PARVA: variants seen among roughly 807,000 people sequenced by gnomAD.
PARVA encodes the protein parvin alpha.
In PARVA, 25 loss-of-function variants were observed where a neutral mutation model predicts 52.6. The observed-to-expected ratio is 0.48, with a 90% CI of 0.35 to 0.66. PARVA has a LOEUF of 0.66. Among genes scored for constraint, PARVA ranks in the 30% least tolerant of loss-of-function variants. The pLI is 0.01. For synonymous variants in PARVA, 185 were observed against 179.1 expected (o/e 1.03, Z -0.26); for missense variants, 373 against 450.9 (o/e 0.83, Z 1.56).
intron 1 of PARVA, among the ~76,000 whole-genome samples, chr11:12,471,755 G>A (rs117830244): frequency 0.025 from 3,877 of 152,282 alleles, 83 homozygotes; most frequent in Non-Finnish European, 0.038. Context: ...GTGCAGCTAC[G>A]GAGCGGAATT....
intron 4 of PARVA, chr11:12,480,263 CTAATG>C (rs1243983789): frequency 6.7e-6 from 1 of 149,906 alleles, no homozygotes; most frequent in Non-Finnish European, 1.5e-5. Context: ...GAATGAATGG[CTAATG>C]TAATTTCTAG....
At chr11:12,431,160 C>A (rs1243082926) in intron 1 of PARVA, among the ~76,000 whole-genome samples, 1 of 152,216 alleles carries the variant, frequency 6.6e-6, no homozygotes, top group African/African-American at 2.4e-5. Context: ...CCCCAATACC[C>A]CTGCCAGTGT....
At chr11:12,415,107 A>G (rs1477709538) in intron 1 of PARVA, among the ~76,000 whole-genome samples, 1 of 151,230 alleles carries the variant, frequency 6.6e-6, no homozygotes, top group Non-Finnish European at 1.5e-5. Flanking sequence ...ACAACAGGAA[A>G]GGCAATATTG....
intron 1 of PARVA, among the ~76,000 whole-genome samples, chr11:12,452,206 G>C (rs1346601098): frequency 6.6e-6 from 1 of 152,094 alleles, no homozygotes; most frequent in East Asian, 2.0e-4. Flanking sequence ...GCAGGGCTTA[G>C]CATTAAGCCA....
intron 4 of PARVA, among the ~76,000 whole-genome samples, chr11:12,483,624 A>T (rs1278303800): frequency 2.0e-5 from 3 of 152,214 alleles, no homozygotes; most frequent in Non-Finnish European, 4.4e-5. Context: ...CCTTGGGGCC[A>T]GAGATGGCCA....
At position 12,466,100 on chromosome 11, in the gene PARVA, T is replaced by C. The variant is rs139465793; in HGVS notation, c.137-7645T>C. ...GTCATTCCCTAATCACAAAGGATAA[T>C]GAACACCCTCTCATATGCCTCTTTG... On this transcript the variant is annotated intron_variant, in intron 1 of 12. Coordinates refer to ENST00000334956, the MANE Select transcript of PARVA (RefSeq NM_018222.5). 7.6e-4 allele frequency among the ~76,000 whole-genome samples: 115 copies of C among 152,308 alleles called. No homozygotes were observed. The East Asian group carries it at 0.012, about 16-fold the overall frequency.
intron 1 of PARVA, among the ~76,000 whole-genome samples, chr11:12,464,150 G>T (rs1326218627): frequency 6.6e-6 from 1 of 152,152 alleles, no homozygotes. Context: ...TGCTACTGGA[G>T]TACTGATGCA....
chr11:12,376,971 T>C (rs1659220228), upstream of PARVA, among the ~76,000 whole-genome samples: 1 of 152,206 alleles, frequency 6.6e-6, no homozygotes, highest in South Asian at 2.1e-4. Flanking sequence ...CACGGATGTC[T>C]TACAAGAATA....
At chr11:12,510,691 G>A (rs1304101213) in intron 7 of PARVA, among the ~76,000 whole-genome samples, 1 of 152,178 alleles carries the variant, frequency 6.6e-6, no homozygotes, top group East Asian at 1.9e-4. Context: ...TGAGGAAGAA[G>A]CAAAAGAGGA....
At chr11:12,426,706 AG>A (rs1940239983) in intron 1 of PARVA, among the ~76,000 whole-genome samples, 1 of 152,204 alleles carries the variant, frequency 6.6e-6, no homozygotes, top group Admixed American at 6.5e-5. Context: ...GAAAGGGGCC[AG>A]GGTATCACCA....
rs1941737002 is a variant in PARVA at position 12,528,834 on chromosome 11, T to C, written c.*909T>C. On this transcript the variant is annotated 3_prime_UTR_variant, in exon 13 of 13. Coordinates refer to ENST00000334956, the MANE Select transcript of PARVA (RefSeq NM_018222.5). ...TTCCTTCAGATTTATAATAACTCTG[T>C]ACTTTGGTTTCAGGGTGACATTTGG... The C allele has an allele frequency of 6.6e-6, 1 of 152,656 alleles. No homozygotes were observed. The highest frequency in any genetic ancestry group is 1.5e-5 in the Non-Finnish European group (1 of 68,034). 9.5% of individuals were successfully genotyped at this position (152,656 alleles called of 1,614,324 possible).
Position 12,527,138 on chromosome 11 carries a change from T to C in PARVA, c.1043-711T>C, listed in dbSNP as rs61875590. On this transcript the variant is annotated intron_variant, in intron 12 of 12. Coordinates refer to ENST00000334956, the MANE Select transcript of PARVA (RefSeq NM_018222.5). ...AATTCTCCAGCATAGCTGGGTTTAGTAAGATACACTAAACTTTCCACATGG... is the reference window on the plus strand; with the variant it reads ...AATTCTCCAGCATAGCTGGGTTTAGCAAGATACACTAAACTTTCCACATGG... Among the ~76,000 whole-genome samples, 692 of 152,292 alleles carry C rather than the reference T, an allele frequency of 4.5e-3. 4 individuals are homozygous for C. Among genetic ancestry groups the C allele is most frequent in the Non-Finnish European group, 7.9e-3 (536 of 68,030 alleles).
chr11:12,433,853 T>G (rs1940350145), intron 1 of PARVA, among the ~76,000 whole-genome samples: 1 of 152,246 alleles, frequency 6.6e-6, no homozygotes, highest in Admixed American at 6.5e-5. Context: ...TAGATTATCC[T>G]GTTGCAAGTA....
In PARVA at chr11:12,462,383, G is replaced by C. The variant is rs371577104; in HGVS notation, c.137-11362G>C. On this transcript the variant is annotated intron_variant, in intron 1 of 12. Transcript: ENST00000334956. The stretch of plus-strand genomic sequence containing the variant: ...GGAGATTTAGAGTATGCAGTGAGAG[G>C]GATTTGAGCCTTGCCCCCACTGCTG... Among the ~76,000 whole-genome samples the C allele has an allele frequency of 4.6e-5, 7 of 152,226 alleles. 2 individuals are homozygous for C. The highest frequency in any genetic ancestry group is 1.7e-4 in the African/African-American group (7 of 41,522).
intron 1 of PARVA, among the ~76,000 whole-genome samples, chr11:12,462,400 C>G (rs1465771749): frequency 6.6e-6 from 1 of 152,072 alleles, no homozygotes; most frequent in African/African-American, 2.4e-5. Context: ...AGCCTTGCCC[C>G]CACTGCTGGC....
chr11:12,424,897 T>C (rs2134987901), intron 1 of PARVA, among the ~76,000 whole-genome samples: 1 of 152,356 alleles, frequency 6.6e-6, no homozygotes, highest in South Asian at 2.1e-4. Flanking sequence ...GCTCTGTCTT[T>C]GTAGGATAGC....
intron 1 of PARVA, among the ~76,000 whole-genome samples, chr11:12,428,227 G>A (rs771250151): frequency 6.2e-4 from 95 of 152,230 alleles, no homozygotes; most frequent in Non-Finnish European, 1.1e-3. Context: ...AGGTATTGCC[G>A]GATTACCAGT....
chr11:12,390,278 T>C (rs1027226931), intron 1 of PARVA, among the ~76,000 whole-genome samples: 2 of 152,208 alleles, frequency 1.3e-5, no homozygotes, highest in Non-Finnish European at 2.9e-5. Flanking sequence ...GGCCGTGCGA[T>C]GTGTTGAGAG....
intron 1 of PARVA, among the ~76,000 whole-genome samples, chr11:12,401,057 A>C (rs1939820894): frequency 6.6e-6 from 1 of 152,202 alleles, no homozygotes; most frequent in Non-Finnish European, 1.5e-5. Flanking sequence ...AGTGTGCACC[A>C]AAGTGCACAC....
Sources: gnomAD v4.1 joint callset for allele counts (sites outside exome capture counted in the v4.1 genomes callset) on GRCh38, gnomAD v4.1.1 for gene constraint, MANE v1.5 for transcripts, NCBI Gene and HGNC (gene_info 2026-07-23, HGNC 2026-07-21) for gene names.